The following DERA variants were observed in gnomAD, a reference collection of about 807,000 sequenced individuals.
DERA encodes deoxyribose-phosphate aldolase, also known as 2-deoxy-D-ribose 5-phosphate aldolase.
DERA carries 15 observed loss-of-function variants against 41.1 expected under a neutral mutation model. The observed-to-expected ratio is 0.37, with a 90% confidence interval of 0.24 to 0.56. The LOEUF (loss-of-function observed/expected upper bound fraction) is 0.56, where lower values mean the gene tolerates loss of function less well. DERA is among the 20% of genes least tolerant of loss of function. DERA has a pLI of 0.81. For missense variants in DERA, 396 were observed against 403.4 expected (o/e 0.98, Z 0.16); for synonymous variants, 139 against 137.4 (o/e 1.01, Z -0.08).
Position 15,911,337 on chromosome 12 carries a change from G to C in DERA, c.-47G>C. The stretch of plus-strand genomic sequence containing the variant: ...GGAAGGAGGAAGGGCCGGGCGCGGC[G>C]CAGAGGCGGGCGCCTACCAGCCGGC... On this transcript the variant is annotated 5_prime_UTR_variant, in exon 1 of 9. Coordinates refer to ENST00000428559, the MANE Select transcript of DERA (RefSeq NM_015954.4). The surrounding 1 kb of genome is among the most constrained non-coding windows in gnomAD (Gnocchi z 4.5). 1 of 1,438,430 alleles carries C rather than the reference G, an allele frequency of 7.0e-7. No individual in the cohort carries two copies. Among genetic ancestry groups the C allele is most frequent in the South Asian group, 1.4e-5 (1 of 70,948 alleles). 89.1% of individuals were successfully genotyped at this position (1,438,430 alleles called of 1,614,324 possible).
rs561115083 is a variant in DERA, at chr12:15,981,513, A to T, written c.509-795A>T. On this transcript the variant is annotated intron_variant, in intron 5 of 8. Coordinates refer to ENST00000428559, the MANE Select transcript of DERA (RefSeq NM_015954.4). This position sits in a 1 kb window ranked among gnomAD's most constrained non-coding sequence, Gnocchi z 6.1. ...AATTCACTAGTATCATTGACAAAAG[A>T]CTTAAATAATTTTTTAAAGATTTAA... is the stretch of plus-strand genomic sequence containing the variant. Among the ~76,000 whole-genome samples the T allele has an allele frequency of 1.3e-5, 2 of 152,228 alleles. No individual in the cohort carries two copies. The highest frequency in any genetic ancestry group is 2.9e-5 in the Non-Finnish European group (2 of 68,042).
rs1948403190 is a variant in DERA, at chr12:15,940,810, C to T, written c.32-16126C>T. ...CCATCTTTGGACACAGGCATCCTAA[C>T]ATAACTACTAATTTTTTGAGGTAGA... On this transcript the variant is annotated intron_variant, in intron 1 of 8. Coordinates refer to ENST00000428559, the MANE Select transcript of DERA (RefSeq NM_015954.4). The surrounding 1 kb of genome is among the most constrained non-coding windows in gnomAD (Gnocchi z 5.1). 6.6e-6 allele frequency among the ~76,000 whole-genome samples: 1 copy of T among 152,170 alleles called. No homozygotes were observed. The highest frequency in any genetic ancestry group is 2.4e-5 in the African/African-American group (1 of 41,448).
rs1476173766 is a variant in DERA, at chr12:15,967,164, A to G, written c.508+4217A>G. 6.6e-6 allele frequency among the ~76,000 whole-genome samples: 1 copy of G among 152,092 alleles called. No homozygotes were observed. Among genetic ancestry groups the G allele is most frequent in the Non-Finnish European group, 1.5e-5 (1 of 68,012 alleles). The stretch of plus-strand genomic sequence containing the variant: ...CAGGAGTTCAAGACCAGTCTGGGCA[A>G]CATGGCAAAACCCCATCTCTGCATA... On this transcript the variant is annotated intron_variant, in intron 5 of 8. Transcript: ENST00000428559. This position sits in a 1 kb window ranked among gnomAD's most constrained non-coding sequence, Gnocchi z 4.9.
chr12:15,994,411 T>C lies in DERA; in HGVS notation c.637+11975T>C, dbSNP rs1336805308. On this transcript the variant is annotated intron_variant, in intron 6 of 8. Transcript: ENST00000428559. This position sits in a 1 kb window ranked among gnomAD's most constrained non-coding sequence, Gnocchi z 4.8. ...TAATTCCTAGCATATTAACTCTTGG[T>C]TATTTATTCCTTAATATCTGTGCCA... 6.6e-6 allele frequency among the ~76,000 whole-genome samples: 1 copy of C among 152,256 alleles called. No homozygotes were observed. The highest frequency in any genetic ancestry group is 1.9e-4 in the East Asian group (1 of 5,200).
In DERA at chr12:15,962,900, T is replaced by G. The variant is rs1242858034; in HGVS notation, c.461T>G (p.Ile154Ser). ...GCTGTGGAAGATGGAGCTACAGAAATCGACGTGGTAATTAACAGAAGCTTG... is the reference window on the plus strand; with the variant it reads ...GCTGTGGAAGATGGAGCTACAGAAAGCGACGTGGTAATTAACAGAAGCTTG... ...RLAVEDGATE[I>S]DVVINRSLVL... Residue 154 changes from isoleucine (I) to serine (S), a missense_variant, in exon 5 of 9, where the codon ATC becomes AGC. Ile to Ser is a moderately radical substitution (Grantham distance 142). Coordinates refer to ENST00000428559, the MANE Select transcript of DERA (RefSeq NM_015954.4). 1 of 1,598,770 alleles carries G rather than the reference T, an allele frequency of 6.3e-7. No homozygotes were observed. Among genetic ancestry groups the G allele is most frequent in the Non-Finnish European group, 8.5e-7 (1 of 1,172,142 alleles).
rs988132786 is a variant in DERA, at chr12:15,940,520, T to A, written c.32-16416T>A. 6.6e-6 allele frequency among the ~76,000 whole-genome samples: 1 copy of A among 152,030 alleles called. No individual in the cohort carries two copies. Among genetic ancestry groups the A allele is most frequent in the Admixed American group, 6.6e-5 (1 of 15,254 alleles). The stretch of plus-strand genomic sequence containing the variant: ...GCGCATGCCACCACACCTGGCTGAT[T>A]TTTTGTATTTGTAGTAGAGACAGAG... On this transcript the variant is annotated intron_variant, in intron 1 of 8. Coordinates refer to ENST00000428559, the MANE Select transcript of DERA (RefSeq NM_015954.4). This position sits in a 1 kb window ranked among gnomAD's most constrained non-coding sequence, Gnocchi z 5.1.
chr12:15,925,533 T>C (rs1005506429), intron 1 of DERA, among the ~76,000 whole-genome samples: 1 of 152,214 alleles, frequency 6.6e-6, no homozygotes, highest in African/African-American at 2.4e-5. Flanking sequence ...GTGAAATTGT[T>C]CTAAAATTAA....
intron 1 of DERA, among the ~76,000 whole-genome samples, chr12:15,914,135 C>G (rs1363384145): frequency 6.6e-6 from 1 of 152,064 alleles, no homozygotes; most frequent in African/African-American, 2.4e-5. Flanking sequence ...AGTCCTGGCA[C>G]TTTGGGAGGC....
chr12:15,964,205 A>G (rs141759072), intron 5 of DERA, among the ~76,000 whole-genome samples: 2 of 152,330 alleles, frequency 1.3e-5, no homozygotes, highest in East Asian at 3.9e-4. Flanking sequence ...GGCTTTTCTC[A>G]TCAAGTCTCA....
chr12:16,024,521 A>G (rs533403740), intron 6 of DERA, among the ~76,000 whole-genome samples: 1 of 152,332 alleles, frequency 6.6e-6, no homozygotes, highest in Admixed American at 6.5e-5. Context: ...AGCAAAAACA[A>G]AAACCCAACA....
At position 16,014,756 on chromosome 12, in the gene DERA, G is replaced by A. The variant is rs1288270195; in HGVS notation, c.638-17786G>A. 2.6e-5 allele frequency among the ~76,000 whole-genome samples: 4 copies of A among 152,134 alleles called. No homozygotes were observed. The highest frequency in any genetic ancestry group is 1.9e-4 in the East Asian group (1 of 5,172). On this transcript the variant is annotated intron_variant, in intron 6 of 8. Transcript: ENST00000428559. The surrounding 1 kb of genome is among the most constrained non-coding windows in gnomAD (Gnocchi z 5.4). ...GGTAGATCCACCAACAGCTTGCACC[G>A]TGGGCTTGGAAAAGCCACAGACACT... is the stretch of plus-strand genomic sequence containing the variant.
In DERA at chr12:15,981,920, C is replaced by CTAA. The variant is rs1948735267; in HGVS notation, c.509-387_509-385dup. Among the ~76,000 whole-genome samples, 1 of 152,076 alleles carries CTAA rather than the reference C, an allele frequency of 6.6e-6. No individual in the cohort carries two copies. The highest frequency in any genetic ancestry group is 6.5e-5 in the Admixed American group (1 of 15,286). ...TGTGAATGGAAGAATTAATAAGAAC[C>CTAA]TAAGATTTTTTTTTATTACTTTGCA... On this transcript the variant is annotated intron_variant, in intron 5 of 8. Transcript: ENST00000428559. The surrounding 1 kb of genome is among the most constrained non-coding windows in gnomAD (Gnocchi z 6.1).
In DERA at chr12:15,948,661, G is replaced by A. The variant is rs115562147; in HGVS notation, c.32-8275G>A. Among the ~76,000 whole-genome samples, 539 of 152,162 alleles carry A rather than the reference G, an allele frequency of 3.5e-3. 3 individuals carry two copies. Among genetic ancestry groups the A allele is most frequent in the African/African-American group, 0.012 (518 of 41,516 alleles). ...CTGGTCGAACTTCCTCTTTTAGCTCGGAGTAGTTTGATCATCTGAAGCTAT... is the reference window on the plus strand; with the variant it reads ...CTGGTCGAACTTCCTCTTTTAGCTCAGAGTAGTTTGATCATCTGAAGCTAT... On this transcript the variant is annotated intron_variant, in intron 1 of 8. Coordinates refer to ENST00000428559, the MANE Select transcript of DERA (RefSeq NM_015954.4).
rs941101746 is a variant in DERA, at chr12:15,965,587, A to G, written c.508+2640A>G. On this transcript the variant is annotated intron_variant, in intron 5 of 8. Coordinates refer to ENST00000428559, the MANE Select transcript of DERA (RefSeq NM_015954.4). This position sits in a 1 kb window ranked among gnomAD's most constrained non-coding sequence, Gnocchi z 4.1. Reference sequence around the variant, plus strand: ...ATTTCTCATGGATGTGAGAGTCCACAGTTTAGGGTATGAATTCGAGGAGAC... The same window carrying G: ...ATTTCTCATGGATGTGAGAGTCCACGGTTTAGGGTATGAATTCGAGGAGAC... Among the ~76,000 whole-genome samples, 2 of 152,056 alleles carry G rather than the reference A, an allele frequency of 1.3e-5. No homozygotes were observed. The highest frequency in any genetic ancestry group is 2.9e-5 in the Non-Finnish European group (2 of 68,002).
rs1438871825 is a variant in DERA, at chr12:15,994,009, A to C, written c.637+11573A>C. On this transcript the variant is annotated intron_variant, in intron 6 of 8. Coordinates refer to ENST00000428559, the MANE Select transcript of DERA (RefSeq NM_015954.4). The surrounding 1 kb of genome is among the most constrained non-coding windows in gnomAD (Gnocchi z 4.8). ...GAAAAAGAGAGAAAAGAAAAAGCTT[A>C]GTTTTTTATGTGGCATATTTTCTGG... Among the ~76,000 whole-genome samples, 1 of 152,208 alleles carries C rather than the reference A, an allele frequency of 6.6e-6. No individual in the cohort carries two copies. The highest frequency in any genetic ancestry group is 2.4e-5 in the African/African-American group (1 of 41,454).
Position 15,982,461 on chromosome 12 carries a change from G to A in DERA, c.637+25G>A. The A allele has an allele frequency of 1.3e-6, 2 of 1,583,548 alleles. No individual in the cohort carries two copies. Among genetic ancestry groups the A allele is most frequent in the Non-Finnish European group, 1.7e-6 (2 of 1,167,360 alleles). ...GGTAAGTGTTTTATGTTCAAATAAT[G>A]TTTTCTATTGAATTGATGTTTTTAG... On this transcript the variant is annotated intron_variant, in intron 6 of 8. Transcript: ENST00000428559. This position sits in a 1 kb window ranked among gnomAD's most constrained non-coding sequence, Gnocchi z 4.0.
rs1372549476 is a variant in DERA, at chr12:15,985,279, C to G, written c.637+2843C>G. On this transcript the variant is annotated intron_variant, in intron 6 of 8. Coordinates refer to ENST00000428559, the MANE Select transcript of DERA (RefSeq NM_015954.4). The surrounding 1 kb of genome is among the most constrained non-coding windows in gnomAD (Gnocchi z 4.2). ...TGCTTTGTTTTTGGTTTGTTTTGCC[C>G]TCACTAAAAATAAGAGATAAGAGAT... 6.6e-6 allele frequency: 1 copy of G among 152,110 alleles called. No individual in the cohort carries two copies. The highest frequency in any genetic ancestry group is 1.9e-4 in the East Asian group (1 of 5,190). The allele number at this position is 152,110 out of a possible 1,614,324, so 9.4% of individuals were successfully genotyped here.
At chr12:16,018,187 T>C (rs1360360268) in intron 6 of DERA, among the ~76,000 whole-genome samples, 8 of 152,212 alleles carry the variant, frequency 5.3e-5, no homozygotes, top group Non-Finnish European at 4.4e-5. Flanking sequence ...TTGGTCTTAA[T>C]ACTAGTTTTT....
chr12:15,969,528 C>G (rs1245875759), intron 5 of DERA, among the ~76,000 whole-genome samples: 1 of 152,176 alleles, frequency 6.6e-6, no homozygotes, highest in Non-Finnish European at 1.5e-5. Context: ...TCTCCTGTAT[C>G]CAGAGCCTCA....
Sources: allele counts gnomAD v4.1 joint callset (sites outside exome capture counted in the v4.1 genomes callset), GRCh38; gene constraint gnomAD v4.1.1; non-coding constraint Gnocchi (gnomAD v3.1); transcripts MANE v1.5; gene names NCBI Gene and HGNC (gene_info 2026-07-23, HGNC 2026-07-21).